KCNQ5: variants seen among roughly 807,000 people sequenced by gnomAD.
KCNQ5 encodes potassium voltage-gated channel subfamily Q member 5, also known as potassium voltage-gated channel subfamily KQT member 5.
In KCNQ5, 30 loss-of-function variants were observed where a neutral mutation model predicts 98.2. The ratio of observed to expected loss-of-function variants is 0.31; its 90% confidence interval spans 0.23 to 0.41. The LOEUF (loss-of-function observed/expected upper bound fraction) is 0.41. Among genes scored for constraint, KCNQ5 ranks in the 10% least tolerant of loss-of-function variants. The probability of loss-of-function intolerance (pLI) is 1.00; values close to 1 mark genes in which losing one functional copy is unlikely to be tolerated. For missense variants in KCNQ5, 835 were observed against 1,182.5 expected, an observed-to-expected ratio of 0.71 and a Z score of 4.31; for synonymous variants, 458 against 449.4, an observed-to-expected ratio of 1.02 and a Z score of -0.24.
rs1778434021 is a variant in KCNQ5, at chr6:72,877,046, T to C, written c.399-126862T>C. On this transcript the variant is annotated intron_variant, in intron 1 of 13. Coordinates refer to ENST00000370398, the MANE Select transcript of KCNQ5 (RefSeq NM_019842.4). ...TCCCTTAATTATCACTCTCACCCATTTTTTTTTAATTTTGTTTTACTTTAA... is the reference window on the plus strand; with the variant it reads ...TCCCTTAATTATCACTCTCACCCATCTTTTTTTAATTTTGTTTTACTTTAA... Among the ~76,000 whole-genome samples the C allele has an allele frequency of 2.0e-5, 3 of 151,636 alleles. No individual in the cohort carries two copies. In the South Asian group the frequency reaches 6.2e-4, roughly 32 times the overall value.
intron 1 of KCNQ5, among the ~76,000 whole-genome samples, chr6:72,863,760 G>T (rs977361724): frequency 5.3e-5 from 8 of 152,118 alleles, no homozygotes; most frequent in Non-Finnish European, 1.2e-4. Flanking sequence ...GTTGTGTAAG[G>T]GTGTTTTATT....
At chr6:72,644,898 G>A (rs765868439) in intron 1 of KCNQ5, among the ~76,000 whole-genome samples, 3 of 152,094 alleles carry the variant, frequency 2.0e-5, no homozygotes, top group Non-Finnish European at 4.4e-5. Flanking sequence ...AATATTCTCT[G>A]AATCAGGCTC....
chr6:72,843,699 T>C (rs1450693470), intron 1 of KCNQ5, among the ~76,000 whole-genome samples: 1 of 152,200 alleles, frequency 6.6e-6, no homozygotes, highest in East Asian at 1.9e-4. Context: ...ACTGGGTATA[T>C]ACCCAAAGGA....
chr6:72,657,774 C>A (rs1766271801), intron 1 of KCNQ5, among the ~76,000 whole-genome samples: 1 of 152,146 alleles, frequency 6.6e-6, no homozygotes, highest in African/African-American at 2.4e-5. Context: ...ATAATTGTTA[C>A]AATTTTATAA....
chr6:72,680,424 A>G (rs1767649606), intron 1 of KCNQ5, among the ~76,000 whole-genome samples: 1 of 152,242 alleles, frequency 6.6e-6, no homozygotes, highest in Admixed American at 6.5e-5. Context: ...TTTATCCACC[A>G]ATCAGTTAAT....
chr6:73,188,739 T>G (rs1582509965), intron 11 of KCNQ5, among the ~76,000 whole-genome samples: 1 of 151,920 alleles, frequency 6.6e-6, no homozygotes, highest in South Asian at 2.1e-4. Flanking sequence ...AATCCCAGCA[T>G]TTTGGGAGGC....
chr6:73,153,702 G>GT (rs1375710362), intron 10 of KCNQ5, among the ~76,000 whole-genome samples: 2 of 151,934 alleles, frequency 1.3e-5, no homozygotes, highest in Non-Finnish European at 2.9e-5. Flanking sequence ...AAAAAAAAAG[G>GT]TAAGCTACAC....
chr6:72,797,680 T>G (rs1470609702), intron 1 of KCNQ5, among the ~76,000 whole-genome samples: 6 of 152,176 alleles, frequency 3.9e-5, no homozygotes, highest in Admixed American at 3.9e-4. Context: ...CATTACAAAT[T>G]AAGAAACTTT....
At chr6:73,044,462 A>G (rs1364313572) in intron 3 of KCNQ5, among the ~76,000 whole-genome samples, 1 of 152,198 alleles carries the variant, frequency 6.6e-6, no homozygotes, top group African/African-American at 2.4e-5. Context: ...AGTTAGGATA[A>G]TTATGAATTT....
chr6:73,005,187 A>G (rs1378370194), intron 2 of KCNQ5, among the ~76,000 whole-genome samples: 1 of 152,202 alleles, frequency 6.6e-6, no homozygotes, highest in Non-Finnish European at 1.5e-5. Context: ...TCAAAGCCCA[A>G]GGTAGAGAAC....
intron 1 of KCNQ5, among the ~76,000 whole-genome samples, chr6:72,670,473 T>G (rs947053865): frequency 1.3e-5 from 2 of 152,220 alleles, no homozygotes; most frequent in African/African-American, 4.8e-5. Context: ...GGTTTTTGTT[T>G]TTTTTGTTTT....
At position 72,931,944 on chromosome 6, in the gene KCNQ5, C is replaced by T. The variant is rs188936469; in HGVS notation, c.399-71964C>T. ...AGTTAATACATTACAGGTAAGCTCT[C>T]CCTCACTTGACTCCCAAAAACCCAC... On this transcript the variant is annotated intron_variant, in intron 1 of 13. Coordinates refer to ENST00000370398, the MANE Select transcript of KCNQ5 (RefSeq NM_019842.4). Among the ~76,000 whole-genome samples, 4 of 152,212 alleles carry T rather than the reference C, an allele frequency of 2.6e-5. No individual in the cohort carries two copies. In the East Asian group the frequency reaches 7.7e-4, roughly 29 times the overall value.
intron 1 of KCNQ5, among the ~76,000 whole-genome samples, chr6:72,687,446 C>T (rs538674974): frequency 7.2e-5 from 11 of 152,232 alleles, no homozygotes; most frequent in East Asian, 1.9e-4. Flanking sequence ...CAAAGAGAAC[C>T]GTAGGCCCTG....
chr6:72,732,350 A>G (rs1770599420), intron 1 of KCNQ5, among the ~76,000 whole-genome samples: 1 of 152,092 alleles, frequency 6.6e-6, no homozygotes, highest in East Asian at 1.9e-4. Context: ...ACTGAGTCCC[A>G]AAGGATCAGT....
chr6:72,990,292 T>G (rs1769028510), intron 1 of KCNQ5, among the ~76,000 whole-genome samples: 2 of 78,180 alleles, frequency 2.6e-5, no homozygotes, highest in Non-Finnish European at 2.5e-5. Context: ...CCCATGAGCA[T>G]GGAATGTTCT....
At chr6:72,634,548 T>C (rs568095986) in intron 1 of KCNQ5, among the ~76,000 whole-genome samples, 2 of 152,196 alleles carry the variant, frequency 1.3e-5, no homozygotes, top group South Asian at 4.2e-4. Flanking sequence ...ATTCTTTTGG[T>C]TTTGTTTGTT....
At chr6:73,040,159 A>G (rs1771625847) in intron 2 of KCNQ5, among the ~76,000 whole-genome samples, 1 of 152,356 alleles carries the variant, frequency 6.6e-6, no homozygotes, top group South Asian at 2.1e-4. Flanking sequence ...CAATGGGCAT[A>G]TATCTGTCAT....
intron 2 of KCNQ5, among the ~76,000 whole-genome samples, chr6:73,035,752 A>G (rs1259726658): frequency 2.6e-5 from 4 of 152,230 alleles, no homozygotes; most frequent in Non-Finnish European, 4.4e-5. Flanking sequence ...TTACGAGTCT[A>G]TCCCATTGTC....
chr6:73,102,596 T>A (rs534976430), intron 5 of KCNQ5, among the ~76,000 whole-genome samples: 1 of 152,282 alleles, frequency 6.6e-6, no homozygotes, highest in African/African-American at 2.4e-5. Context: ...AATAGATATT[T>A]CTCAAAAGAT....
Sources: gnomAD v4.1 joint callset for allele counts (sites outside exome capture counted in the v4.1 genomes callset) on GRCh38, gnomAD v4.1.1 for gene constraint, MANE v1.5 for transcripts, NCBI Gene and HGNC (gene_info 2026-07-23, HGNC 2026-07-21) for gene names.